ARMH4: variants seen among roughly 807,000 people sequenced by gnomAD.
ARMH4 encodes armadillo-like helical domain-containing protein 4.
In ARMH4, 49 loss-of-function variants were observed where a neutral mutation model predicts 61.9. The ratio of observed to expected loss-of-function variants is 0.79; its 90% confidence interval spans 0.63 to 1.00. ARMH4 has a LOEUF of 1.00. Ranked by LOEUF, ARMH4 falls within the 50% of genes least tolerant of loss-of-function variation. ARMH4 has a pLI of 0.00. For synonymous variants in ARMH4, 368 were observed against 341.5 expected (o/e 1.08, Z -0.85); for missense variants, 934 against 930.0 (o/e 1.00, Z -0.06).
At chr14:58,132,198 G>C (rs959624314) in intron 3 of ARMH4, among the ~76,000 whole-genome samples, 4 of 152,188 alleles carry the variant, frequency 2.6e-5, no homozygotes, top group African/African-American at 7.2e-5. Context: ...CCCAAGTCCA[G>C]AGACTCTAGA....
intron 5 of ARMH4, among the ~76,000 whole-genome samples, chr14:58,084,668 C>A (rs1015584183): frequency 5.9e-5 from 9 of 152,168 alleles, no homozygotes; most frequent in African/African-American, 1.9e-4. Flanking sequence ...TTCAGCCCTG[C>A]AGGAAAACTG....
In ARMH4 at chr14:58,020,691, A is replaced by G. The variant is rs958976870; in HGVS notation, c.2090-8541T>C. Among the ~76,000 whole-genome samples, 15 of 152,262 alleles carry G rather than the reference A, an allele frequency of 9.9e-5. No homozygotes were observed. The East Asian group carries it at 2.9e-3, about 29-fold the overall frequency. Reference sequence around the variant, plus strand: ...TCCATGTTCGCCAAGGACTTTTCCAACTCAGTCCTGTGTGCCAGGGTAGCA... The same window carrying G: ...TCCATGTTCGCCAAGGACTTTTCCAGCTCAGTCCTGTGTGCCAGGGTAGCA... On this transcript the variant is annotated intron_variant, in intron 5 of 7. Coordinates refer to ENST00000267485, the MANE Select transcript of ARMH4 (RefSeq NM_001001872.4).
chr14:58,008,592 C>T (rs571344004), intron 6 of ARMH4, among the ~76,000 whole-genome samples: 17 of 152,306 alleles, frequency 1.1e-4, no homozygotes, highest in Admixed American at 3.9e-4. Context: ...TGCCTAAAGT[C>T]TGCAGAATTG....
At chr14:58,133,980 G>C (rs1334725617) in intron 2 of ARMH4, among the ~76,000 whole-genome samples, 1 of 152,182 alleles carries the variant, frequency 6.6e-6, no homozygotes, top group African/African-American at 2.4e-5. Flanking sequence ...TCACTTACTA[G>C]CTGTGTAAGC....
At chr14:58,026,336 C>T (rs899620399) in intron 5 of ARMH4, among the ~76,000 whole-genome samples, 8 of 151,174 alleles carry the variant, frequency 5.3e-5, no homozygotes, top group Non-Finnish European at 8.9e-5. Flanking sequence ...GATCATGAAG[C>T]GGAAAAAAAA....
chr14:58,032,307 C>T (rs953298442), intron 5 of ARMH4, among the ~76,000 whole-genome samples: 6 of 152,092 alleles, frequency 3.9e-5, no homozygotes, highest in African/African-American at 1.4e-4. Context: ...AGAACTGAGG[C>T]TGTTGTTCTC....
rs548317126 is a variant in ARMH4 at position 58,010,850 on chromosome 14, G to A, written c.2121+1269C>T. On this transcript the variant is annotated intron_variant, in intron 6 of 7. Coordinates refer to ENST00000267485, the MANE Select transcript of ARMH4 (RefSeq NM_001001872.4). ...ATTTTCTTAAGCCTTTTTTTTTTTG[G>A]TCCCTTTCTTAAATAACTCAGGATA... 6.3e-5 allele frequency among the ~76,000 whole-genome samples: 9 copies of A among 141,844 alleles called. No homozygotes were observed. In the East Asian group the frequency reaches 1.4e-3, roughly 23 times the overall value. 93.1% of individuals were successfully genotyped at this position (141,844 alleles called of 152,430 possible).
At chr14:58,128,546 A>G (rs1387496915) in intron 4 of ARMH4, among the ~76,000 whole-genome samples, 1 of 152,236 alleles carries the variant, frequency 6.6e-6, no homozygotes, top group African/African-American at 2.4e-5. Context: ...GTAACAGGCA[A>G]GGTGAAAAAT....
At position 58,110,398 on chromosome 14, in the gene ARMH4, T is replaced by C. The variant is rs1886316629; in HGVS notation, c.1832-13417A>G. ...TACAGCATGTTGTTATTAACTATAG[T>C]CACCATGTTATACAATAACAGAAAC... On this transcript the variant is annotated intron_variant, in intron 4 of 7. Coordinates refer to ENST00000267485, the MANE Select transcript of ARMH4 (RefSeq NM_001001872.4). Among the ~76,000 whole-genome samples, 4 of 152,332 alleles carry C rather than the reference T, an allele frequency of 2.6e-5. No individual in the cohort carries two copies. The South Asian group carries it at 8.3e-4, about 32-fold the overall frequency.
At chr14:58,014,232 C>T (rs914657391) in intron 5 of ARMH4, among the ~76,000 whole-genome samples, 6 of 152,172 alleles carry the variant, frequency 3.9e-5, no homozygotes, top group Non-Finnish European at 5.9e-5. Flanking sequence ...AGACCTCTCT[C>T]TTGTCCTTCC....
intron 5 of ARMH4, among the ~76,000 whole-genome samples, chr14:58,085,250 C>A (rs1056391544): frequency 3.9e-5 from 6 of 152,130 alleles, no homozygotes; most frequent in South Asian, 4.2e-4. Context: ...CAGTTGGAAA[C>A]TCTTTAACAT....
At chr14:58,150,279 T>C (rs912910235) in intron 1 of ARMH4, among the ~76,000 whole-genome samples, 1 of 152,250 alleles carries the variant, frequency 6.6e-6, no homozygotes, top group Non-Finnish European at 1.5e-5. Flanking sequence ...CCTCACATCT[T>C]GCTTAGGGAA....
Position 58,138,178 on chromosome 14 carries a change from T to C in ARMH4, c.1181A>G (p.Asp394Gly). The C allele has an allele frequency of 6.2e-7, 1 of 1,614,182 alleles. No individual in the cohort carries two copies. Among genetic ancestry groups the C allele is most frequent in the Non-Finnish European group, 8.5e-7 (1 of 1,180,034 alleles). ...ACTTGTGGGGGTAAAGGAACTTTGA[T>C]CAGTGAAAGCAGGTGATCTCTCATT... ...HGNERSPAFT[D>G]QSSFTPTSLM... Residue 394 changes from aspartate to glycine, a missense_variant, in exon 2 of 8, where the codon GAT becomes GGT. Asp to Gly is a moderately conservative substitution (Grantham distance 94). Transcript: ENST00000267485.
chr14:58,145,094 G>T (rs1010005600), intron 1 of ARMH4, among the ~76,000 whole-genome samples: 1 of 152,098 alleles, frequency 6.6e-6, no homozygotes, highest in African/African-American at 2.4e-5. Context: ...CTTACTAAAC[G>T]TGTGGCCTAA....
intron 1 of ARMH4, among the ~76,000 whole-genome samples, chr14:58,147,869 T>C (rs1887787285): frequency 6.6e-6 from 1 of 152,116 alleles, no homozygotes; most frequent in Admixed American, 6.5e-5. Context: ...CGTCCCTACC[T>C]TTGCCAGACA....
At position 58,133,197 on chromosome 14, in the gene ARMH4, G is replaced by C. The variant is rs371157273; in HGVS notation, c.1514C>G (p.Ser505Cys). 1.9e-5 allele frequency: 30 copies of C among 1,614,188 alleles called. No homozygotes were observed. Among genetic ancestry groups the C allele is most frequent in the Non-Finnish European group, 2.5e-5 (29 of 1,180,042 alleles). The change falls in exon 3 of 8, where the codon TCT becomes TGT. Residue 505 changes from serine (S) to cysteine (C), a missense_variant. Ser to Cys is a moderately radical substitution (Grantham distance 112). Coordinates refer to ENST00000267485, the MANE Select transcript of ARMH4 (RefSeq NM_001001872.4). ...CAGCTGAGTAACACCAGGAACGTCA[G>C]ACACAGGAGAGGGGTCCTCCTTTTC... ...EEEKEDPSPV[S>C]DVPGVTQLSR...
chr14:58,094,322 G>A (rs1213593660), intron 5 of ARMH4, among the ~76,000 whole-genome samples: 4 of 64,850 alleles, frequency 6.2e-5, no homozygotes, highest in Non-Finnish European at 1.0e-4. Context: ...AGAGTGAGAC[G>A]CTTTCTCAAA....
rs759288462 is a variant in ARMH4, at chr14:58,094,329, CAA to C, written c.2089+2393_2089+2394del. Among the ~76,000 whole-genome samples the C allele has an allele frequency of 7.8e-4, 92 of 117,564 alleles. 2 individuals are homozygous for C. The East Asian group carries it at 0.02, about 25-fold the overall frequency. 77.1% of individuals were successfully genotyped at this position (117,564 alleles called of 152,430 possible). On this transcript the variant is annotated intron_variant, in intron 5 of 7. Transcript: ENST00000267485. Reference sequence around the variant, plus strand: ...TGAGCAACAGAGTGAGACGCTTTCTCAAAAAAAAAAAAAAAGAACTTTAGCTG... The same window carrying C: ...TGAGCAACAGAGTGAGACGCTTTCTCAAAAAAAAAAAAAGAACTTTAGCTG...
intron 5 of ARMH4, among the ~76,000 whole-genome samples, chr14:58,080,692 T>C (rs1885193818): frequency 6.6e-6 from 1 of 152,174 alleles, no homozygotes; most frequent in South Asian, 2.1e-4. Context: ...GTTTCAGGTG[T>C]ACATGTGCAG....
Sources: gnomAD v4.1 joint callset for allele counts (sites outside exome capture counted in the v4.1 genomes callset) on GRCh38, gnomAD v4.1.1 for gene constraint, MANE v1.5 for transcripts, NCBI Gene and HGNC (gene_info 2026-07-23, HGNC 2026-07-21) for gene names.